The following CYP2C18 variants were observed in gnomAD, a reference collection of about 807,000 sequenced individuals.
CYP2C18 encodes cytochrome P450 family 2 subfamily C member 18, also known as cytochrome P450 2C18.
A neutral mutation model predicts 41.3 loss-of-function variants in CYP2C18; 38 were observed. The observed-to-expected ratio is 0.92, with a 90% CI of 0.71 to 1.21. CYP2C18 has a LOEUF of 1.21. Ranked by LOEUF, CYP2C18 falls within the 50% of genes most tolerant of loss-of-function variation. The probability of loss-of-function intolerance (pLI) is 0.00; values close to 1 mark genes in which losing one functional copy is unlikely to be tolerated. For missense variants in CYP2C18, 635 were observed against 591.4 expected (o/e 1.07, Z -0.77); for synonymous variants, 236 against 210.0 (o/e 1.12, Z -1.07).
chr10:94,694,822 G>A, intron 3 of CYP2C18, 95 bp from the exon 4 acceptor site: 14 of 1,375,204 alleles, frequency 1.0e-5, no homozygotes, highest in Non-Finnish European at 1.4e-5. Context: ...GTAGGTATTG[G>A]TTTAGAGTTT....
intron 6 of CYP2C18, among the ~76,000 whole-genome samples, chr10:94,724,121 A>G (rs1300502050): frequency 1.3e-5 from 2 of 151,716 alleles, no homozygotes; most frequent in South Asian, 2.1e-4. Flanking sequence ...ATTATCTTGT[A>G]TGCTAATATG....
In CYP2C18 at chr10:94,717,029, G is replaced by T. The variant is rs113660096; in HGVS notation, c.820-3367G>T. Among the ~76,000 whole-genome samples, 4 of 152,002 alleles carry T rather than the reference G, an allele frequency of 2.6e-5. No homozygotes were observed. In the South Asian group the frequency reaches 8.3e-4, roughly 32 times the overall value. On this transcript the variant is annotated intron_variant, in intron 5 of 8. Transcript: ENST00000285979. Reference sequence around the variant, plus strand: ...CCCTGCCTTTTTTTGTTTTCCATTTGCTTGGTAGATCTTCCTCCTTCCCTT... The same window carrying T: ...CCCTGCCTTTTTTTGTTTTCCATTTTCTTGGTAGATCTTCCTCCTTCCCTT...
chr10:94,685,896 A>C (rs780785416), intron 1 of CYP2C18, among the ~76,000 whole-genome samples: 9 of 152,100 alleles, frequency 5.9e-5, no homozygotes, highest in Non-Finnish European at 1.0e-4. Context: ...GTTCCATACA[A>C]ATTTTAAGAT....
At chr10:94,712,611 T>A (rs982504786) in intron 5 of CYP2C18, among the ~76,000 whole-genome samples, 1 of 152,208 alleles carries the variant, frequency 6.6e-6, no homozygotes, top group Admixed American at 6.6e-5. Flanking sequence ...TTAGGCTGAT[T>A]CTATATATTA....
intron 4 of CYP2C18, among the ~76,000 whole-genome samples, chr10:94,706,342 G>T (rs1286753950): frequency 6.6e-6 from 1 of 152,104 alleles, no homozygotes; most frequent in African/African-American, 2.4e-5. Context: ...AGTTATAAAA[G>T]AGTGATTCTA....
intron 5 of CYP2C18, among the ~76,000 whole-genome samples, chr10:94,718,002 G>A (rs1003313335): frequency 6.6e-6 from 1 of 151,924 alleles, no homozygotes; most frequent in African/African-American, 2.4e-5. Context: ...GATAACATTG[G>A]AATTTTGATA....
chr10:94,705,515 A>G (rs1297108817), intron 4 of CYP2C18, among the ~76,000 whole-genome samples: 2 of 152,188 alleles, frequency 1.3e-5, no homozygotes. Context: ...TGGAGCTTAA[A>G]ATAAAAATAA....
chr10:94,689,471 C>G (rs1029637978), intron 3 of CYP2C18, among the ~76,000 whole-genome samples: 2 of 152,130 alleles, frequency 1.3e-5, no homozygotes, highest in African/African-American at 4.8e-5. Context: ...CACAGCATGT[C>G]TCTGATTTAC....
intron 1 of CYP2C18, among the ~76,000 whole-genome samples, chr10:94,687,484 C>G (rs1846910567): frequency 6.6e-6 from 1 of 152,128 alleles, no homozygotes; most frequent in South Asian, 2.1e-4. Flanking sequence ...ATTTGAAATT[C>G]TTTAAAATAC....
At chr10:94,692,437 C>T (rs1453326876) in intron 3 of CYP2C18, among the ~76,000 whole-genome samples, 1 of 151,840 alleles carries the variant, frequency 6.6e-6, no homozygotes, top group Non-Finnish European at 1.5e-5. Context: ...TCATCACTGG[C>T]CATCAGAGAA....
At chr10:94,713,942 ATTT>A (rs1262077688) in intron 5 of CYP2C18, among the ~76,000 whole-genome samples, 1 of 152,014 alleles carries the variant, frequency 6.6e-6, no homozygotes, top group Non-Finnish European at 1.5e-5. Flanking sequence ...GATGATGAAC[ATTT>A]TTTCATGTGT....
At chr10:94,714,478 A>C (rs185395619) in intron 5 of CYP2C18, among the ~76,000 whole-genome samples, 19 of 152,234 alleles carry the variant, frequency 1.2e-4, no homozygotes, top group Admixed American at 3.9e-4. Context: ...GTCAAAGATC[A>C]GATGGTTGTA....
intron 2 of CYP2C18, 66 bp downstream of exon 2, chr10:94,687,998 G>T: frequency 6.3e-7 from 1 of 1,596,694 alleles, no homozygotes; most frequent in South Asian, 1.1e-5. Flanking sequence ...ATAGGGATGG[G>T]GAGGATGGAA....
chr10:94,709,753 A>G (rs1187100158), intron 5 of CYP2C18, among the ~76,000 whole-genome samples: 1 of 152,166 alleles, frequency 6.6e-6, no homozygotes, highest in Non-Finnish European at 1.5e-5. Context: ...TAGGTCTAAG[A>G]TCCACTCTGA....
intron 8 of CYP2C18, among the ~76,000 whole-genome samples, chr10:94,734,709 A>C (rs1847890097): frequency 6.6e-6 from 1 of 152,134 alleles, no homozygotes; most frequent in South Asian, 2.1e-4. Context: ...GGAAGGAGTG[A>C]TATAGAACAT....
At chr10:94,725,649 G>C (rs1009472465) in intron 7 of CYP2C18, among the ~76,000 whole-genome samples, 1 of 151,984 alleles carries the variant, frequency 6.6e-6, no homozygotes, top group Non-Finnish European at 1.5e-5. Flanking sequence ...TTCTACTTTT[G>C]ATGACTTTTT....
intron 7 of CYP2C18, among the ~76,000 whole-genome samples, chr10:94,730,027 T>A (rs1415745317): frequency 1.3e-5 from 2 of 152,204 alleles, no homozygotes; most frequent in Non-Finnish European, 2.9e-5. Context: ...TGTAACAATT[T>A]ACAAAACACG....
intron 5 of CYP2C18, among the ~76,000 whole-genome samples, chr10:94,718,881 A>T (rs918423439): frequency 2.6e-5 from 4 of 152,170 alleles, no homozygotes; most frequent in Non-Finnish European, 2.9e-5. Flanking sequence ...TGTGTGGTCT[A>T]AATCCTCCTT....
intron 3 of CYP2C18, among the ~76,000 whole-genome samples, chr10:94,692,915 G>T (rs184031751): frequency 1.3e-5 from 2 of 150,292 alleles, no homozygotes; most frequent in African/African-American, 2.4e-5. Flanking sequence ...GCAAACTATC[G>T]CAAGACCAAA....
Sources: allele counts gnomAD v4.1 joint callset (sites outside exome capture counted in the v4.1 genomes callset), GRCh38; gene constraint gnomAD v4.1.1; transcripts MANE v1.5; gene names NCBI Gene and HGNC (gene_info 2026-07-23, HGNC 2026-07-21).